FLT4: variants seen among roughly 807,000 people sequenced by gnomAD.
The protein encoded by FLT4 is vascular endothelial growth factor receptor 3.
Under a neutral mutation model 163.2 loss-of-function variants are expected in FLT4, and 30 were observed. The observed-to-expected ratio is 0.18, with a 90% CI of 0.14 to 0.25. The LOEUF (loss-of-function observed/expected upper bound fraction) is 0.25. Among genes scored for constraint, FLT4 ranks in the 10% least tolerant of loss-of-function variants. The pLI is 1.00. For missense variants in FLT4, 1,510 were observed against 1,863.8 expected (o/e 0.81, Z 3.50); for synonymous variants, 884 against 789.5 (o/e 1.12, Z -2.01).
chr5:180,603,355 C>G lies in FLT4; in HGVS notation c.3929G>C (p.Arg1310Thr). 6.2e-7 allele frequency: 1 copy of G among 1,614,080 alleles called. No individual in the cohort carries two copies. Among genetic ancestry groups the G allele is most frequent in the Non-Finnish European group, 8.5e-7 (1 of 1,180,000 alleles). The change falls in exon 30 of 30, where the codon AGG becomes ACG. Residue 1310 changes from arginine to threonine, a missense_variant. This residue lies in a region of FLT4 where 295 missense variants were observed against 311.0 expected (regional missense o/e 0.95). Transcript: ENST00000261937. ...CCTCCCTTGGGAGTCAGGGTGTGCC[C>G]TGGTCACAGCCACATTCTGGCCAGG... ...KGPGQNVAVTRAHPDSQGRRR... is the reference protein window; with the variant it reads ...KGPGQNVAVTTAHPDSQGRRR...
chr5:180,613,014 G>C lies in FLT4; in HGVS notation c.3428C>G (p.Ala1143Gly), dbSNP rs758109515. The change falls in exon 25 of 30, where the codon GCC becomes GGC. Residue 1143 changes from alanine to glycine, a missense_variant. Coordinates refer to ENST00000261937, the MANE Select transcript of FLT4 (RefSeq NM_182925.5). ...RMRAPELATP[A>G]IRRIMLNCWS... is the part of the protein sequence containing the mutation. The stretch of plus-strand genomic sequence containing the variant: ...GCAGGGCCATGGGGAGGCTCACATG[G>C]CGGGAGTGGCCAGCTCCGGGGCCCT... 1.1e-5 allele frequency: 18 copies of C among 1,611,246 alleles called. No individual in the cohort carries two copies. The highest frequency in any genetic ancestry group is 1.5e-5 in the Non-Finnish European group (18 of 1,178,076).
intron 17 of FLT4, 34 bp from the exon 18 acceptor site, chr5:180,619,803 G>T: frequency 6.6e-7 from 1 of 1,525,748 alleles, no homozygotes; most frequent in East Asian, 2.3e-5. Context: ...CAGGTGAGCT[G>T]TACGGGGTGA....
At position 180,602,245 on chromosome 5, in the gene FLT4, C is replaced by T. The variant is rs1761553640; in HGVS notation, c.*947G>A. Reference sequence around the variant, plus strand: ...TGTTCATCTCTCATGAGCTGGTTCACGGCTTGGGAGGGGCCGCAGGTGGCA... The same window carrying T: ...TGTTCATCTCTCATGAGCTGGTTCATGGCTTGGGAGGGGCCGCAGGTGGCA... On this transcript the variant is annotated 3_prime_UTR_variant, in exon 30 of 30. Coordinates refer to ENST00000261937, the MANE Select transcript of FLT4 (RefSeq NM_182925.5). 1 of 243,126 alleles carries T rather than the reference C, an allele frequency of 4.1e-6. No individual in the cohort carries two copies. Among genetic ancestry groups the T allele is most frequent in the Non-Finnish European group, 8.0e-6 (1 of 125,282 alleles). 15.1% of individuals were successfully genotyped at this position (243,126 alleles called of 1,614,324 possible).
intron 24 of FLT4, chr5:180,613,457 T>C (rs11249739): frequency 0.96 from 280,166 of 292,120 alleles, 135,057 homozygotes; most frequent in Non-Finnish European, 1. Context: ...CCTCTCTTGC[T>C]TCTCGCTGCT....
intron 24 of FLT4, chr5:180,613,484 C>T (rs1015330917): frequency 8.2e-5 from 22 of 268,354 alleles, no homozygotes; most frequent in African/African-American, 4.3e-4. Flanking sequence ...GCTGCTCCCC[C>T]CAACCCCTGC....
intron 1 of FLT4, among the ~76,000 whole-genome samples, chr5:180,643,217 C>T (rs1283028320): frequency 2.6e-5 from 4 of 152,210 alleles, no homozygotes; most frequent in Admixed American, 1.3e-4. Flanking sequence ...CATTCCTGAC[C>T]CCGCTCATCC....
At chr5:180,603,733 T>A (rs1197541457) in intron 29 of FLT4, among the ~76,000 whole-genome samples, 6 of 151,784 alleles carry the variant, frequency 4.0e-5, no homozygotes, top group African/African-American at 1.5e-4. Context: ...TGAAACCCCG[T>A]CTCTACTAAA....
intron 23 of FLT4, 140 bp from the exon 24 acceptor site, chr5:180,614,319 G>C: frequency 1.6e-6 from 1 of 610,170 alleles, no homozygotes; most frequent in South Asian, 1.9e-5. Flanking sequence ...GTGGTGGATG[G>C]GAAGAGAGGG....
intron 1 of FLT4, among the ~76,000 whole-genome samples, chr5:180,640,048 C>G (rs1487587386): frequency 6.6e-6 from 1 of 152,228 alleles, no homozygotes; most frequent in African/African-American, 2.4e-5. Context: ...CACCCTCCGT[C>G]CTCGGGCCAC....
At chr5:180,637,469 T>TC (rs1389525798) in intron 1 of FLT4, among the ~76,000 whole-genome samples, 3 of 151,826 alleles carry the variant, frequency 2.0e-5, no homozygotes, top group Non-Finnish European at 4.4e-5. Context: ...GTGCCCAGGG[T>TC]CCCCCCACCA....
At chr5:180,614,630 C>T (rs985719321) in intron 23 of FLT4, among the ~76,000 whole-genome samples, 26 of 152,260 alleles carry the variant, frequency 1.7e-4, no homozygotes, top group African/African-American at 6.0e-4. Flanking sequence ...CCTGAGGCAT[C>T]TCCGCCGCCG....
intron 29 of FLT4, 136 bp downstream of exon 29, chr5:180,608,832 T>C (rs1421926960): frequency 5.1e-6 from 4 of 779,424 alleles, no homozygotes; most frequent in East Asian, 2.5e-5. Context: ...GCAGCTCACC[T>C]TGAACGCGCG....
intron 17 of FLT4, 151 bp from the exon 18 acceptor site, chr5:180,619,920 G>A (rs1561714378): frequency 4.3e-6 from 3 of 690,552 alleles, no homozygotes; most frequent in Non-Finnish European, 7.5e-6. Context: ...AAGGAGAGGT[G>A]GACAGGAGGC....
At position 180,621,570 on chromosome 5, in the gene FLT4, G is replaced by C. The variant is rs770994502; in HGVS notation, c.1992C>G (p.His664Gln). 1 of 1,612,012 alleles carries C rather than the reference G, an allele frequency of 6.2e-7. No homozygotes were observed. Among genetic ancestry groups the C allele is most frequent in the Non-Finnish European group, 8.5e-7 (1 of 1,179,532 alleles). The change falls in exon 13 of 30, where the codon CAC becomes CAG. Residue 664 changes from histidine to glutamine, a missense_variant. His to Gln is a conservative substitution (Grantham distance 24). Coordinates refer to ENST00000261937, the MANE Select transcript of FLT4 (RefSeq NM_182925.5). ...EVQDRRSHDK[H>Q]CHKKYLSVQA... is the part of the protein sequence containing the mutation. The stretch of plus-strand genomic sequence containing the variant: ...GCACCGACAGGTACTTCTTGTGGCA[G>C]TGCTTGTCATGGCTGCGCCGGTCTT...
intron 2 of FLT4, among the ~76,000 whole-genome samples, chr5:180,631,473 AG>A (rs1196771530): frequency 7.2e-5 from 11 of 151,842 alleles, no homozygotes; most frequent in African/African-American, 2.2e-4. Flanking sequence ...ACTCCATCTC[AG>A]AAAAAAAAAA....
intron 23 of FLT4, 113 bp downstream of exon 23, chr5:180,616,254 A>G: frequency 6.7e-7 from 1 of 1,483,444 alleles, no homozygotes; most frequent in African/African-American, 1.4e-5. Flanking sequence ...CTGGCCAACC[A>G]AGGAGCTCAC....
In FLT4 at chr5:180,616,377, C is replaced by T. The variant is rs771345898; in HGVS notation, c.3209G>A (p.Arg1070His). The T allele has an allele frequency of 1.9e-5, 31 of 1,613,844 alleles. No individual in the cohort carries two copies. Among genetic ancestry groups the T allele is most frequent in the Admixed American group, 5.0e-5 (3 of 60,004 alleles). Residue 1070 changes from arginine (R) to histidine (H), a missense_variant, in exon 23 of 30, where the codon CGC becomes CAC. Arg to His is a conservative substitution (Grantham distance 29). This residue lies in a region of FLT4 where 878 missense variants were observed against 1,016.7 expected (regional missense o/e 0.86). Coordinates refer to ENST00000261937, the MANE Select transcript of FLT4 (RefSeq NM_182925.5). Reference protein sequence around the residue: ...RDIYKDPDYVRKGSARLPLKW... With the variant: ...RDIYKDPDYVHKGSARLPLKW... ...ATGGCCTGCACTCACACTGCCCTTGCGGACGTAGTCGGGGTCTTTGTAGAT... is the reference window on the plus strand; with the variant it reads ...ATGGCCTGCACTCACACTGCCCTTGTGGACGTAGTCGGGGTCTTTGTAGAT...
chr5:180,626,117 C>T lies in FLT4; in HGVS notation c.1252G>A (p.Val418Met), dbSNP rs1268798979. Residue 418 changes from valine to methionine, a missense_variant, in exon 9 of 30, where the codon GTG (valine) becomes ATG (methionine). Coordinates refer to ENST00000261937, the MANE Select transcript of FLT4 (RefSeq NM_182925.5). ...LRRNISLELV[V>M]NVPPQIHEKE... ...TCTCCCGTCCCTGACCTACCATTCA[C>T]CACCAGCTCCAGGCTGATGTTGCGC... The T allele has an allele frequency of 1.2e-6, 2 of 1,612,744 alleles. No homozygotes were observed. The highest frequency in any genetic ancestry group is 1.7e-6 in the Non-Finnish European group (2 of 1,180,020).
intron 1 of FLT4, among the ~76,000 whole-genome samples, chr5:180,646,675 C>A (rs530622299): frequency 5.3e-5 from 8 of 152,304 alleles, no homozygotes; most frequent in African/African-American, 1.7e-4. Context: ...CTGCAAGGCA[C>A]AGGAAACCCC....
Sources: allele counts gnomAD v4.1 joint callset (sites outside exome capture counted in the v4.1 genomes callset), GRCh38; gene constraint gnomAD v4.1.1; regional missense constraint gnomAD v4.1.1; transcripts MANE v1.5; gene names NCBI Gene and HGNC (gene_info 2026-07-23, HGNC 2026-07-21).